The following AGBL4 variants were observed in gnomAD, a reference collection of about 807,000 sequenced individuals.
AGBL4 encodes AGBL carboxypeptidase 4.
Under a neutral mutation model 66.4 loss-of-function variants are expected in AGBL4, and 58 were observed. The observed-to-expected ratio is 0.87, with a 90% confidence interval of 0.71 to 1.09. AGBL4 has a LOEUF of 1.09. AGBL4 is among the 50% of genes least tolerant of loss of function. The pLI, the probability that AGBL4 is intolerant of heterozygous loss-of-function variation, is 0.00. For missense variants in AGBL4, 579 were observed against 631.0 expected, an observed-to-expected ratio of 0.92 and a Z score of 0.88; for synonymous variants, 234 against 222.9, an observed-to-expected ratio of 1.05 and a Z score of -0.44.
intron 3 of AGBL4, among the ~76,000 whole-genome samples, chr1:49,568,218 A>G (rs1012541313): frequency 2.0e-5 from 3 of 152,166 alleles, no homozygotes; most frequent in Non-Finnish European, 4.4e-5. Context: ...TCTCCAGATG[A>G]CATAATTCTA....
chr1:49,351,722 G>C (rs1414428784), intron 3 of AGBL4, among the ~76,000 whole-genome samples: 3 of 151,930 alleles, frequency 2.0e-5, no homozygotes, highest in Non-Finnish European at 4.4e-5. Context: ...ATGAGTTATG[G>C]GTAGAAAAGA....
At chr1:48,695,939 T>C (rs1646707615) in intron 6 of AGBL4, among the ~76,000 whole-genome samples, 1 of 149,850 alleles carries the variant, frequency 6.7e-6, no homozygotes, top group Non-Finnish European at 1.5e-5. Context: ...CCCACTGGCC[T>C]GCATGGCCAG....
intron 3 of AGBL4, among the ~76,000 whole-genome samples, chr1:49,409,068 C>A (rs1192025821): frequency 6.6e-6 from 1 of 151,530 alleles, no homozygotes; most frequent in Non-Finnish European, 1.5e-5. Context: ...TAAACCAAAT[C>A]TTTTCATTCT....
At chr1:49,515,403 G>T (rs12751408) in intron 3 of AGBL4, among the ~76,000 whole-genome samples, 19,279 of 152,026 alleles carry the variant, frequency 0.13, 1,413 homozygotes, top group East Asian at 0.3. Context: ...TGCTGGAGAG[G>T]ATGTGGAGAA....
chr1:48,690,621 A>C (rs1222972320), intron 6 of AGBL4, among the ~76,000 whole-genome samples: 1 of 152,140 alleles, frequency 6.6e-6, no homozygotes, highest in Non-Finnish European at 1.5e-5. Flanking sequence ...ATTAACAGGA[A>C]AAGGACCTTT....
At chr1:49,553,971 CT>C (rs1240864248) in intron 3 of AGBL4, among the ~76,000 whole-genome samples, 1 of 152,094 alleles carries the variant, frequency 6.6e-6, no homozygotes, top group African/African-American at 2.4e-5. Context: ...GATCCCATCT[CT>C]TCAGAAAATT....
At chr1:49,599,037 A>C (rs1396824504) in intron 3 of AGBL4, among the ~76,000 whole-genome samples, 3 of 152,082 alleles carry the variant, frequency 2.0e-5, no homozygotes, top group African/African-American at 7.2e-5. Flanking sequence ...ATCATTGTTG[A>C]TCAGGGATAT....
intron 1 of AGBL4, among the ~76,000 whole-genome samples, chr1:49,948,404 TATAAATATAG>T (rs1424724389): frequency 1.8e-3 from 191 of 107,700 alleles, no homozygotes; most frequent in African/African-American, 4.3e-3. Context: ...TATAAATATA[TATAAATATAG>T]ATAAATATAG....
At chr1:49,029,489 C>T (rs1341779907) in intron 5 of AGBL4, among the ~76,000 whole-genome samples, 1 of 152,028 alleles carries the variant, frequency 6.6e-6, no homozygotes, top group Non-Finnish European at 1.5e-5. Context: ...TAAGTACAAA[C>T]CTTGCTTATA....
chr1:49,866,393 T>A (rs1385963546), intron 1 of AGBL4, among the ~76,000 whole-genome samples: 1 of 152,190 alleles, frequency 6.6e-6, no homozygotes, highest in Admixed American at 6.5e-5. Flanking sequence ...GGGAAGCCCA[T>A]CAGACTAAAA....
intron 2 of AGBL4, among the ~76,000 whole-genome samples, chr1:49,795,716 A>T (rs1571584009): frequency 6.6e-6 from 1 of 152,010 alleles, no homozygotes; most frequent in East Asian, 1.9e-4. Flanking sequence ...AAAGAGATAA[A>T]TTTTTCAATA....
At chr1:48,973,844 T>A (rs748625992) in intron 5 of AGBL4, among the ~76,000 whole-genome samples, 10 of 152,148 alleles carry the variant, frequency 6.6e-5, no homozygotes, top group Non-Finnish European at 7.4e-5. Flanking sequence ...TAGTCAAGCA[T>A]GACAAACAAG....
chr1:49,661,392 A>G (rs1181665382), intron 3 of AGBL4, among the ~76,000 whole-genome samples: 2 of 152,090 alleles, frequency 1.3e-5, no homozygotes, highest in Non-Finnish European at 2.9e-5. Context: ...CAGCTCCCTC[A>G]TGAATGGCTT....
chr1:49,590,104 G>T (rs1033345383), intron 3 of AGBL4, among the ~76,000 whole-genome samples: 1 of 151,904 alleles, frequency 6.6e-6, no homozygotes, highest in Admixed American at 6.6e-5. Context: ...TATATCCTTT[G>T]ACCCTGTAAT....
chr1:48,653,145 A>C (rs1005110044), intron 8 of AGBL4, among the ~76,000 whole-genome samples, 192 bp downstream of exon 8: 1 of 152,180 alleles, frequency 6.6e-6, no homozygotes. Flanking sequence ...CCAGCAAGTG[A>C]CCTTAGGTGG....
At chr1:49,377,456 A>G (rs1159277142) in intron 3 of AGBL4, among the ~76,000 whole-genome samples, 2 of 152,138 alleles carry the variant, frequency 1.3e-5, no homozygotes, top group Non-Finnish European at 2.9e-5. Flanking sequence ...ATTCAAATCT[A>G]TGACTGTCTG....
At chr1:49,284,037 C>A (rs557190686) in intron 3 of AGBL4, among the ~76,000 whole-genome samples, 1 of 148,584 alleles carries the variant, frequency 6.7e-6, no homozygotes, top group East Asian at 2.0e-4. Flanking sequence ...AGATACTCCT[C>A]GAGAAGAGCA....
At chr1:49,719,268 A>T (rs1047616954) in intron 2 of AGBL4, among the ~76,000 whole-genome samples, 2 of 152,194 alleles carry the variant, frequency 1.3e-5, no homozygotes, top group African/African-American at 4.8e-5. Context: ...TCATTTCCAA[A>T]ATCTCATCTT....
At chr1:49,117,175 T>A (rs1042838280) in intron 4 of AGBL4, among the ~76,000 whole-genome samples, 2 of 152,206 alleles carry the variant, frequency 1.3e-5, no homozygotes, top group African/African-American at 4.8e-5. Flanking sequence ...AGGTTGCCTG[T>A]TCACTCTGAT....
Sources: gnomAD v4.1 joint callset for allele counts (sites outside exome capture counted in the v4.1 genomes callset) on GRCh38, gnomAD v4.1.1 for gene constraint, MANE v1.5 for transcripts, NCBI Gene and HGNC (gene_info 2026-07-23, HGNC 2026-07-21) for gene names.